The following C1QTNF3 variants were observed in gnomAD, a reference collection of about 807,000 sequenced individuals.
The protein encoded by C1QTNF3 is complement C1q tumor necrosis factor-related protein 3.
A neutral mutation model predicts 32.6 loss-of-function variants in C1QTNF3; 26 were observed. The ratio of observed to expected loss-of-function variants is 0.80; its 90% confidence interval spans 0.58 to 1.11. The LOEUF (loss-of-function observed/expected upper bound fraction) is 1.11, where lower values mean the gene tolerates loss of function less well. C1QTNF3 is among the 50% of genes least tolerant of loss of function. The probability of loss-of-function intolerance (pLI) is 0.00; values close to 1 mark genes in which losing one functional copy is unlikely to be tolerated. For missense variants in C1QTNF3, 362 were observed against 398.2 expected, an observed-to-expected ratio of 0.91 and a Z score of 0.77; for synonymous variants, 155 against 146.0, an observed-to-expected ratio of 1.06 and a Z score of -0.44.
chr5:34,083,715 G>A, the C1QTNF3 span, among the ~76,000 whole-genome samples: 4 of 151,726 alleles, frequency 2.6e-5, no homozygotes, highest in Admixed American at 2.0e-4. Flanking sequence ...CTAAATGCCG[G>A]TAGTAATTCC....
the C1QTNF3 span, among the ~76,000 whole-genome samples, chr5:34,194,967 T>C: frequency 6.6e-6 from 1 of 151,256 alleles, no homozygotes; most frequent in Non-Finnish European, 1.5e-5. Flanking sequence ...ACAGACGCAA[T>C]TTTTTTTTCC....
chr5:34,145,245 AT>A, the C1QTNF3 span, among the ~76,000 whole-genome samples: 1 of 152,182 alleles, frequency 6.6e-6, no homozygotes, highest in African/African-American at 2.4e-5. Flanking sequence ...AACAAATAAG[AT>A]TGATAGAGCA....
the C1QTNF3 span, among the ~76,000 whole-genome samples, chr5:34,103,496 C>G: frequency 6.7e-6 from 1 of 149,644 alleles, no homozygotes; most frequent in Non-Finnish European, 1.5e-5. Flanking sequence ...ATTTGCCTTT[C>G]AACGATGTCT....
rs866976227 is a variant in C1QTNF3, at chr5:34,030,768, T to C, written c.571-1885A>G. Among the ~76,000 whole-genome samples, 8 of 152,266 alleles carry C rather than the reference T, an allele frequency of 5.3e-5. No individual in the cohort carries two copies. In the South Asian group the frequency reaches 1.2e-3, roughly 24 times the overall value. On this transcript the variant is annotated intron_variant, in intron 3 of 5. Transcript: ENST00000382065. The stretch of plus-strand genomic sequence containing the variant: ...TGTGCAGCCATAAAAAAGAATGACA[T>C]CATGTCCCTTGCAGGAACATGGATG...
chr5:34,052,130 C>T, the C1QTNF3 span, among the ~76,000 whole-genome samples: 3 of 151,906 alleles, frequency 2.0e-5, no homozygotes, highest in African/African-American at 4.8e-5. Flanking sequence ...AGAGCAAGAC[C>T]GCGTCTTAAA....
At chr5:34,126,222 A>G in the C1QTNF3 span, among the ~76,000 whole-genome samples, 252 of 152,126 alleles carry the variant, frequency 1.7e-3, no homozygotes, top group African/African-American at 5.7e-3. Flanking sequence ...CCTAATATTT[A>G]CCTCCATTAT....
the C1QTNF3 span, among the ~76,000 whole-genome samples, chr5:34,129,938 CTAAA>C: frequency 6.6e-6 from 1 of 151,990 alleles, no homozygotes; most frequent in Non-Finnish European, 1.5e-5. Flanking sequence ...GACCATTATA[CTAAA>C]TTTTATTTAT....
chr5:34,061,537 T>C, the C1QTNF3 span, among the ~76,000 whole-genome samples: 12 of 152,180 alleles, frequency 7.9e-5, no homozygotes, highest in African/African-American at 2.9e-4. Flanking sequence ...GATATTTCCA[T>C]ATATCTTCTG....
At chr5:34,040,818 T>C (rs1240564201) in intron 1 of C1QTNF3, among the ~76,000 whole-genome samples, 3 of 150,604 alleles carry the variant, frequency 2.0e-5, no homozygotes, top group Non-Finnish European at 3.0e-5. Flanking sequence ...TGCAGCACTT[T>C]TTTTTTTTTA....
the C1QTNF3 span, among the ~76,000 whole-genome samples, chr5:34,214,847 T>C: frequency 6.6e-6 from 1 of 152,186 alleles, no homozygotes; most frequent in African/African-American, 2.4e-5. Context: ...TTATACCTAC[T>C]GATAGCTGAC....
At chr5:34,026,322 G>A (rs1754457392) in intron 4 of C1QTNF3, among the ~76,000 whole-genome samples, 1 of 152,096 alleles carries the variant, frequency 6.6e-6, no homozygotes, top group Admixed American at 6.6e-5. Flanking sequence ...GGGCCACGTG[G>A]AAGAGCAATG....
chr5:34,095,324 G>C, the C1QTNF3 span, among the ~76,000 whole-genome samples: 1 of 150,908 alleles, frequency 6.6e-6, no homozygotes, highest in Non-Finnish European at 1.5e-5. Flanking sequence ...GATAAAAAAT[G>C]AAAGAAAGGT....
chr5:34,176,231 C>T, the C1QTNF3 span, among the ~76,000 whole-genome samples: 2 of 133,598 alleles, frequency 1.5e-5, no homozygotes, highest in Middle Eastern at 4.6e-3. Context: ...GGAAGGGGAA[C>T]ATCACACTCT....
chr5:34,121,817 G>A, the C1QTNF3 span, among the ~76,000 whole-genome samples: 25 of 152,256 alleles, frequency 1.6e-4, no homozygotes, highest in East Asian at 5.8e-4. Flanking sequence ...TTAGGTCATC[G>A]GAGTAAAGCC....
chr5:34,062,644 GT>G, the C1QTNF3 span, among the ~76,000 whole-genome samples: 1 of 152,088 alleles, frequency 6.6e-6, no homozygotes, highest in Non-Finnish European at 1.5e-5. Flanking sequence ...ACCCATTGTG[GT>G]TTTTTTCTCA....
At chr5:34,132,464 T>C in the C1QTNF3 span, among the ~76,000 whole-genome samples, 1,602 of 125,768 alleles carry the variant, frequency 0.013, 59 homozygotes, top group African/African-American at 0.043. Context: ...TATATATATA[T>C]ATATGGTGTA....
the C1QTNF3 span, among the ~76,000 whole-genome samples, chr5:34,215,341 G>T: frequency 6.6e-6 from 1 of 151,994 alleles, no homozygotes; most frequent in Non-Finnish European, 1.5e-5. Context: ...ACACAATTTG[G>T]AAAAACTTTG....
chr5:34,064,287 C>A, the C1QTNF3 span, among the ~76,000 whole-genome samples: 1 of 152,186 alleles, frequency 6.6e-6, no homozygotes, highest in African/African-American at 2.4e-5. Flanking sequence ...CCCATACGGG[C>A]CACCAGATGT....
chr5:34,128,608 T>C, the C1QTNF3 span, among the ~76,000 whole-genome samples: 35 of 152,324 alleles, frequency 2.3e-4, no homozygotes, highest in Middle Eastern at 3.4e-3. Flanking sequence ...TCCCTGGATG[T>C]GAGACATGGA....
Sources: allele counts gnomAD v4.1 joint callset (sites outside exome capture counted in the v4.1 genomes callset), GRCh38; gene constraint gnomAD v4.1.1; transcripts MANE v1.5; gene names NCBI Gene and HGNC (gene_info 2026-07-23, HGNC 2026-07-21).